ZNF181: variants seen among roughly 807,000 people sequenced by gnomAD.
The protein encoded by ZNF181 is zinc finger protein 181 (HHZ181).
In ZNF181, 8 loss-of-function variants were observed where a neutral mutation model predicts 11.9. The observed-to-expected ratio is 0.67, with a 90% CI of 0.39 to 1.21. The LOEUF (loss-of-function observed/expected upper bound fraction) is 1.21, where lower values mean the gene tolerates loss of function less well. Among genes scored for constraint, ZNF181 ranks in the 50% most tolerant of loss-of-function variants. The pLI is 0.01. For synonymous variants in ZNF181, 202 were observed against 221.1 expected (o/e 0.91, Z 0.77); for missense variants, 542 against 670.9 (o/e 0.81, Z 2.12).
chr19:34,741,002 G>T lies in ZNF181; in HGVS notation c.621G>T (p.Lys207Asn). The change falls in exon 4 of 4, where the codon AAG becomes AAT. Residue 207 changes from lysine (K) to asparagine (N), a missense_variant. Lys to Asn is a moderately conservative substitution (Grantham distance 94). Transcript: ENST00000492450. ...AAAATGAGAAAGTCAATGGTGGAAA[G>T]AAACTTTTGAATTCTAATAAAAGTG... is the stretch of plus-strand genomic sequence containing the variant. ...VIKNEKVNGG[K>N]KLLNSNKSGA... 1.2e-6 allele frequency: 2 copies of T among 1,614,124 alleles called. No individual in the cohort carries two copies. The highest frequency in any genetic ancestry group is 1.7e-6 in the Non-Finnish European group (2 of 1,179,998).
intron 1 of ZNF181, among the ~76,000 whole-genome samples, 172 bp downstream of exon 1, chr19:34,735,218 C>A (rs1189642498): frequency 6.6e-6 from 1 of 152,184 alleles, no homozygotes; most frequent in Non-Finnish European, 1.5e-5. Flanking sequence ...TATTATCCTC[C>A]TCACCCAGTG....
rs1404316720 is a variant in ZNF181 at position 34,743,856 on chromosome 19, T to G, written c.*1759T>G. ...TCTGCACTGAACCTTGACAGATAATTATGTTTTGTAAGGAGGCAGGATGGC... is the reference window on the plus strand; with the variant it reads ...TCTGCACTGAACCTTGACAGATAATGATGTTTTGTAAGGAGGCAGGATGGC... On this transcript the variant is annotated 3_prime_UTR_variant, in exon 4 of 4. Coordinates refer to ENST00000492450, the MANE Select transcript of ZNF181 (RefSeq NM_001029997.4). 1 of 152,160 alleles carries G rather than the reference T, an allele frequency of 6.6e-6. No homozygotes were observed. Among genetic ancestry groups the G allele is most frequent in the Non-Finnish European group, 1.5e-5 (1 of 68,024 alleles). The allele number at this position is 152,160 out of a possible 1,614,324, so 9.4% of individuals were successfully genotyped here.
chr19:34,735,116 G>A (rs1383757853), intron 1 of ZNF181, 70 bp downstream of exon 1: 2 of 1,526,056 alleles, frequency 1.3e-6, no homozygotes. Context: ...TGCTTCTCCT[G>A]CCTGTTCCCA....
At chr19:34,737,747 G>C (rs770899255) in intron 1 of ZNF181, among the ~76,000 whole-genome samples, 30 of 152,290 alleles carry the variant, frequency 2.0e-4, no homozygotes, top group Non-Finnish European at 4.0e-4. Context: ...TGGTGGTTTG[G>C]GGGTGAAACT....
intron 1 of ZNF181, among the ~76,000 whole-genome samples, chr19:34,735,326 G>A (rs1398694907): frequency 1.3e-5 from 2 of 152,146 alleles, no homozygotes; most frequent in Admixed American, 6.5e-5. Context: ...AAGGTTATTC[G>A]GTTTATGGTT....
intron 1 of ZNF181, 56 bp downstream of exon 1, chr19:34,735,102 G>C: frequency 6.5e-7 from 1 of 1,549,014 alleles, no homozygotes; most frequent in Non-Finnish European, 8.7e-7. Context: ...CTGTGTGTTT[G>C]CTTTGCTTCT....
chr19:34,742,025 A>T lies in ZNF181; in HGVS notation c.1644A>T (p.Val548=), dbSNP rs1420511813. The change falls in exon 4 of 4, where the codon GTA becomes GTT. Residue 548 remains valine, a synonymous_variant. Coordinates refer to ENST00000492450, the MANE Select transcript of ZNF181 (RefSeq NM_001029997.4). The part of the protein sequence containing the change: ...VHNGEKPNSV[V]SVEKPLDYMN... ...ATGGAGAGAAACCCAATAGTGTGGT[A>T]AGTGTGGAAAAGCCTTTAGACTATA... is the stretch of plus-strand genomic sequence containing the variant. 2 of 1,612,602 alleles carry T rather than the reference A, an allele frequency of 1.2e-6. No individual in the cohort carries two copies. The highest frequency in any genetic ancestry group is 2.7e-5 in the African/African-American group (2 of 74,838).
rs1366732547 is a variant in ZNF181, at chr19:34,734,437, C to A, written c.-601C>A. The A allele has an allele frequency of 2.0e-5, 3 of 152,928 alleles. No homozygotes were observed. The highest frequency in any genetic ancestry group is 7.2e-5 in the African/African-American group (3 of 41,474). The allele number at this position is 152,928 out of a possible 1,614,324, so 9.5% of individuals were successfully genotyped here. ...GGGCTCAGGCCCTGGGTCTGCCCCG[C>A]GGTGTGACCCCGGCCGGTGCCTTGG... On this transcript the variant is annotated 5_prime_UTR_variant, in exon 1 of 4. Coordinates refer to ENST00000492450, the MANE Select transcript of ZNF181 (RefSeq NM_001029997.4).
At position 34,740,703 on chromosome 19, in the gene ZNF181, G is replaced by T. The variant is rs770112177; in HGVS notation, c.322G>T (p.Val108Leu). Residue 108 changes from valine to leucine, a missense_variant, in exon 4 of 4, where the codon GTA (valine) becomes TTA (leucine). Coordinates refer to ENST00000492450, the MANE Select transcript of ZNF181 (RefSeq NM_001029997.4). ...SPQTVIIEKV[V>L]KQSYEFSNSK... ...CCAAACAGTAATAATAGAAAAAGTT[G>T]TAAAACAAAGTTATGAATTTTCAAA... The T allele has an allele frequency of 4.5e-5, 72 of 1,612,774 alleles. No homozygotes were observed. The highest frequency in any genetic ancestry group is 5.3e-5 in the Non-Finnish European group (63 of 1,179,510).
At chr19:34,737,861 G>A (rs1484375804) in intron 1 of ZNF181, among the ~76,000 whole-genome samples, 1 of 152,218 alleles carries the variant, frequency 6.6e-6, no homozygotes, top group Non-Finnish European at 1.5e-5. Context: ...TCCTATGAGA[G>A]TCTAATGCCA....
rs201356205 is a variant in ZNF181, at chr19:34,741,848, T to C, written c.1467T>C (p.Tyr489=). The C allele has an allele frequency of 3.4e-4, 554 of 1,613,656 alleles. 7 individuals are homozygous for C. The South Asian group carries it at 3.8e-3, about 11-fold the overall frequency. The change falls in exon 4 of 4, where the codon TAT becomes TAC. Residue 489 remains tyrosine (Y), a synonymous_variant. Transcript: ENST00000492450. ...HHRIHTGEKP[Y]ECIKCGKTFS... ...GAATTCATACTGGAGAGAAACCTTA[T>C]GAATGTATTAAATGTGGGAAGACCT...
chr19:34,740,904 A>C lies in ZNF181; in HGVS notation c.523A>C (p.Lys175Gln). 6.2e-7 allele frequency: 1 copy of C among 1,614,060 alleles called. No individual in the cohort carries two copies. The highest frequency in any genetic ancestry group is 8.5e-7 in the Non-Finnish European group (1 of 1,179,978). ...HSKSTLSEPQ[K>Q]ISAEGNSHKY... ...AAAGTCTACTCTTTCTGAACCACAA[A>C]AAATTTCTGCTGAAGGGAATTCACA... The change falls in exon 4 of 4, where the codon AAA becomes CAA. Residue 175 changes from lysine to glutamine, a missense_variant. Lys to Gln is a moderately conservative substitution (Grantham distance 53). Transcript: ENST00000492450.
At chr19:34,739,652 T>A in intron 3 of ZNF181, 31 bp downstream of exon 3, 2 of 1,612,842 alleles carry the variant, frequency 1.2e-6, no homozygotes, top group African/African-American at 2.7e-5. Flanking sequence ...CAAAGGAAGA[T>A]TTTGTTAAAA....
rs770979386 is a variant in ZNF181 at position 34,740,686 on chromosome 19, T to A, written c.305T>A (p.Val102Glu). 68 of 1,611,886 alleles carry A rather than the reference T, an allele frequency of 4.2e-5. No homozygotes were observed. The African/African-American group carries it at 8.6e-4, about 20-fold the overall frequency. The change falls in exon 4 of 4, where the codon GTA becomes GAA. Residue 102 changes from valine (V) to glutamate (E), a missense_variant. Transcript: ENST00000492450. ...TATGATGAAGATTCACCCCAAACAGTAATAATAGAAAAAGTTGTAAAACAA... is the reference window on the plus strand; with the variant it reads ...TATGATGAAGATTCACCCCAAACAGAAATAATAGAAAAAGTTGTAAAACAA... ...DNYDEDSPQT[V>E]IIEKVVKQSY...
At chr19:34,737,629 C>A (rs982700363) in intron 1 of ZNF181, among the ~76,000 whole-genome samples, 3 of 151,862 alleles carry the variant, frequency 2.0e-5, no homozygotes, top group Non-Finnish European at 4.4e-5. Context: ...TATTTTTTTC[C>A]CTTTACTTTC....
chr19:34,736,193 G>C (rs2068886366), intron 1 of ZNF181: 2 of 702,800 alleles, frequency 2.8e-6, no homozygotes, highest in Non-Finnish European at 5.2e-6. Flanking sequence ...GGTGAAGCTT[G>C]CATAGGAGGG....
In ZNF181 at chr19:34,740,992, A is replaced by G. The variant is rs546153968; in HGVS notation, c.611A>G (p.Asn204Ser). The change falls in exon 4 of 4, where the codon AAT becomes AGT. Residue 204 changes from asparagine (N) to serine (S), a missense_variant. By Grantham distance (46) the Asn-to-Ser change is conservative (BLOSUM62 1). Transcript: ENST00000492450. ...TCAGTTATAAAAAATGAGAAAGTCA[A>G]TGGTGGAAAGAAACTTTTGAATTCT... is the stretch of plus-strand genomic sequence containing the variant. ...KKSVIKNEKV[N>S]GGKKLLNSNK... 8 of 1,614,152 alleles carry G rather than the reference A, an allele frequency of 5.0e-6. No individual in the cohort carries two copies. Among genetic ancestry groups the G allele is most frequent in the Non-Finnish European group, 6.8e-6 (8 of 1,179,992 alleles).
intron 1 of ZNF181, among the ~76,000 whole-genome samples, chr19:34,738,554 T>G (rs1014691299): frequency 1.2e-4 from 18 of 151,916 alleles, no homozygotes; most frequent in African/African-American, 4.1e-4. Flanking sequence ...GTTTTTGTTT[T>G]TTTTTTTGAG....
rs548987385 is a variant in ZNF181, at chr19:34,739,637, C to T, written c.229+16C>T. On this transcript the variant is annotated intron_variant, in intron 3 of 3. Transcript: ENST00000492450. ...ATGATTCCAGGTGAGTCATGGTGAA[C>T]GAGACAAAGGAAGATTTTGTTAAAA... The T allele has an allele frequency of 3.0e-5, 49 of 1,613,184 alleles. 1 individual carries two copies. The South Asian group carries it at 3.1e-4, about 10-fold the overall frequency.
Sources: allele counts gnomAD v4.1 joint callset (sites outside exome capture counted in the v4.1 genomes callset), GRCh38; gene constraint gnomAD v4.1.1; transcripts MANE v1.5; gene names NCBI Gene and HGNC (gene_info 2026-07-23, HGNC 2026-07-21).